Variants in FHIT observed in about 807,000 individuals in gnomAD.
The protein encoded by FHIT is bis(5'-adenosyl)-triphosphatase.
A neutral mutation model predicts 17.9 loss-of-function variants in FHIT; 19 were observed. The observed-to-expected ratio is 1.06, with a 90% CI of 0.74 to 1.56. The LOEUF is 1.56. FHIT is among the 40% of genes most tolerant of loss of function. The pLI, the probability that FHIT is intolerant of heterozygous loss-of-function variation, is 0.00. For missense variants in FHIT, 248 were observed against 189.2 expected (o/e 1.31, Z -1.82); for synonymous variants, 81 against 69.7 (o/e 1.16, Z -0.81).
Position 60,943,064 on chromosome 3 carries a change from G to C in FHIT, c.-111+98983C>G, listed in dbSNP as rs6794059. ...TCATCAGCATTAAGACTTTCTATGTGTGTATATTATCTGTTAGTGGAGTTT... is the reference window on the plus strand; with the variant it reads ...TCATCAGCATTAAGACTTTCTATGTCTGTATATTATCTGTTAGTGGAGTTT... On this transcript the variant is annotated intron_variant, in intron 3 of 9. Transcript: ENST00000492590. Among the ~76,000 whole-genome samples, 897 of 152,220 alleles carry C rather than the reference G, an allele frequency of 5.9e-3. 11 individuals carry two copies. Among genetic ancestry groups the C allele is most frequent in the African/African-American group, 0.021 (852 of 41,558 alleles).
chr3:61,038,549 A>G (rs1034733177), intron 3 of FHIT, among the ~76,000 whole-genome samples: 10 of 152,230 alleles, frequency 6.6e-5, no homozygotes, highest in Non-Finnish European at 1.0e-4. Flanking sequence ...GGAAGTTTCA[A>G]TGTGGAGCTG....
At chr3:60,334,641 G>A (rs1710148014) in intron 5 of FHIT, among the ~76,000 whole-genome samples, 1 of 152,130 alleles carries the variant, frequency 6.6e-6, no homozygotes, top group East Asian at 1.9e-4. Flanking sequence ...CAAAATATTA[G>A]CCAGGTGGGG....
In FHIT at chr3:60,585,135, C is replaced by T. The variant is rs199503646; in HGVS notation, c.-17-48156G>A. Among the ~76,000 whole-genome samples the T allele has an allele frequency of 8.6e-5, 13 of 151,842 alleles. No homozygotes were observed. The East Asian group carries it at 2.3e-3, about 27-fold the overall frequency. On this transcript the variant is annotated intron_variant, in intron 4 of 9. Transcript: ENST00000492590. ...GGAATATCTAAAAAGGGATTATATC[C>T]CTCCCTATTTGTCAATAAATATGAC... is the stretch of plus-strand genomic sequence containing the variant.
chr3:60,828,370 G>A (rs563654588), intron 3 of FHIT, among the ~76,000 whole-genome samples: 52 of 151,380 alleles, frequency 3.4e-4, no homozygotes, highest in Non-Finnish European at 6.6e-4. Flanking sequence ...TTCCTTCAAC[G>A]CTCATTAAAA....
chr3:60,682,860 G>A (rs2040783471), intron 4 of FHIT, among the ~76,000 whole-genome samples: 1 of 152,186 alleles, frequency 6.6e-6, no homozygotes, highest in African/African-American at 2.4e-5. Flanking sequence ...GATTCACCAT[G>A]CTGGATGTCA....
At chr3:60,331,722 TGTAATC>T (rs2106856113) in intron 5 of FHIT, among the ~76,000 whole-genome samples, 1 of 152,156 alleles carries the variant, frequency 6.6e-6, no homozygotes, top group South Asian at 2.1e-4. Flanking sequence ...GGCGCATGCC[TGTAATC>T]CCAGCTACTT....
intron 3 of FHIT, among the ~76,000 whole-genome samples, chr3:60,927,733 G>C (rs542276325): frequency 2.0e-4 from 30 of 150,856 alleles, no homozygotes; most frequent in Non-Finnish European, 2.1e-4. Context: ...TGAGGTGGGC[G>C]TGCCCCCACC....
chr3:60,466,335 A>T (rs2032790853), intron 5 of FHIT, among the ~76,000 whole-genome samples: 1 of 152,030 alleles, frequency 6.6e-6, no homozygotes, highest in Admixed American at 6.6e-5. Context: ...GCAAACAAGG[A>T]TAATTTGACA....
intron 4 of FHIT, among the ~76,000 whole-genome samples, chr3:60,814,545 T>C (rs1701671388): frequency 1.3e-5 from 2 of 152,204 alleles, no homozygotes. Context: ...TTCGATTCTT[T>C]TTTATTACTG....
At chr3:59,765,024 G>A (rs1416802404) in intron 8 of FHIT, among the ~76,000 whole-genome samples, 1 of 152,126 alleles carries the variant, frequency 6.6e-6, no homozygotes, top group South Asian at 2.1e-4. Flanking sequence ...TGCCTACTAT[G>A]TACCTAACCT....
intron 4 of FHIT, among the ~76,000 whole-genome samples, chr3:60,811,865 A>T (rs988139599): frequency 3.9e-5 from 6 of 152,194 alleles, no homozygotes; most frequent in African/African-American, 1.4e-4. Flanking sequence ...ATTTAGAGAG[A>T]ATATTTTCAA....
chr3:59,843,604 T>C (rs1181368118), intron 8 of FHIT, among the ~76,000 whole-genome samples: 2 of 152,244 alleles, frequency 1.3e-5, no homozygotes, highest in East Asian at 3.8e-4. Context: ...CAGTTTTCAC[T>C]GTACAAGTTT....
At chr3:60,717,499 T>C (rs1430576957) in intron 4 of FHIT, among the ~76,000 whole-genome samples, 1 of 152,198 alleles carries the variant, frequency 6.6e-6, no homozygotes, top group Non-Finnish European at 1.5e-5. Context: ...AAACCCATCA[T>C]GGGCCTACTC....
At chr3:61,041,090 T>G (rs1422218084) in intron 3 of FHIT, among the ~76,000 whole-genome samples, 1 of 152,134 alleles carries the variant, frequency 6.6e-6, no homozygotes, top group Non-Finnish European at 1.5e-5. Context: ...TATTAAAATT[T>G]TCAAGACTGG....
chr3:60,025,659 T>G (rs566463792), intron 5 of FHIT, among the ~76,000 whole-genome samples: 8 of 151,366 alleles, frequency 5.3e-5, no homozygotes. Flanking sequence ...CACATAAAGA[T>G]GATTGTGTGA....
intron 3 of FHIT, among the ~76,000 whole-genome samples, chr3:60,929,892 C>G (rs1407071481): frequency 6.6e-6 from 1 of 152,178 alleles, no homozygotes; most frequent in Non-Finnish European, 1.5e-5. Flanking sequence ...CAAAAAAGAG[C>G]CTGCATTGCC....
chr3:60,512,029 C>T (rs2034968599), intron 5 of FHIT, among the ~76,000 whole-genome samples: 1 of 152,006 alleles, frequency 6.6e-6, no homozygotes, highest in East Asian at 1.9e-4. Flanking sequence ...AGAATAATGT[C>T]TGTAAATATA....
intron 4 of FHIT, among the ~76,000 whole-genome samples, chr3:60,637,229 A>G (rs1394612623): frequency 6.6e-6 from 1 of 152,180 alleles, no homozygotes; most frequent in Admixed American, 6.5e-5. Flanking sequence ...CACCACTTTG[A>G]AGCAGTCATT....
intron 3 of FHIT, among the ~76,000 whole-genome samples, chr3:61,005,729 T>C (rs1361121352): frequency 1.3e-5 from 2 of 152,090 alleles, no homozygotes; most frequent in Non-Finnish European, 2.9e-5. Context: ...AATAATTATA[T>C]ATGTGGTGCC....
Sources: gnomAD v4.1 joint callset for allele counts (sites outside exome capture counted in the v4.1 genomes callset) on GRCh38, gnomAD v4.1.1 for gene constraint, MANE v1.5 for transcripts, NCBI Gene and HGNC (gene_info 2026-07-23, HGNC 2026-07-21) for gene names.